ERBB4: variants seen among roughly 807,000 people sequenced by gnomAD.
The protein encoded by ERBB4 is receptor tyrosine-protein kinase erbB-4.
In ERBB4, 42 loss-of-function variants were observed where a neutral mutation model predicts 158.0. The ratio of observed to expected loss-of-function variants is 0.27; its 90% CI spans 0.21 to 0.34. ERBB4 has a LOEUF of 0.34. ERBB4 is among the 10% of genes least tolerant of loss of function. ERBB4 has a pLI of 1.00. For missense variants in ERBB4, 1,333 were observed against 1,624.1 expected, an observed-to-expected ratio of 0.82 and a Z score of 3.08; for synonymous variants, 583 against 558.7, an observed-to-expected ratio of 1.04 and a Z score of -0.61.
chr2:212,020,363 G>A (rs1389583078), intron 2 of ERBB4, among the ~76,000 whole-genome samples: 1 of 151,906 alleles, frequency 6.6e-6, no homozygotes, highest in Non-Finnish European at 1.5e-5. Flanking sequence ...TGATTTTTGG[G>A]GATTATCAGC....
rs112517958 is a variant in ERBB4, at chr2:212,278,294, A to G, written c.83-153391T>C. Among the ~76,000 whole-genome samples the G allele has an allele frequency of 5.1e-3, 779 of 151,912 alleles. 4 individuals carry two copies. The highest frequency in any genetic ancestry group is 0.017 in the Middle Eastern group (5 of 294). ...ACTTCTGTTCATGGGCCAACTCATC[A>G]GCACAAGGGTCCTTTATTTTATTTT... is the stretch of plus-strand genomic sequence containing the variant. On this transcript the variant is annotated intron_variant, in intron 1 of 27. Transcript: ENST00000342788.
At chr2:212,042,256 A>G (rs1028450298) in intron 2 of ERBB4, among the ~76,000 whole-genome samples, 3 of 152,142 alleles carry the variant, frequency 2.0e-5, no homozygotes, top group Admixed American at 1.3e-4. Flanking sequence ...ATGTAACACA[A>G]TAAGACCTTG....
rs73083834 is a variant in ERBB4 at position 211,377,779 on chromosome 2, T to C, written c.*5836A>G. On this transcript the variant is annotated 3_prime_UTR_variant, in exon 28 of 28. Transcript: ENST00000342788. ...TTATGTAAAGATTAAATCGAAGTTC[T>C]ACCAAGTGTATGTGGACATATGTGA... The C allele has an allele frequency of 0.02, 4,693 of 232,574 alleles. 208 individuals are homozygous for C. Among genetic ancestry groups the C allele is most frequent in the African/African-American group, 0.097 (4,393 of 45,398 alleles). The allele number at this position is 232,574 out of a possible 1,614,324, so 14.4% of individuals were successfully genotyped here.
At chr2:211,833,334 T>C (rs1415421747) in intron 3 of ERBB4, among the ~76,000 whole-genome samples, 2 of 152,128 alleles carry the variant, frequency 1.3e-5, no homozygotes, top group African/African-American at 4.8e-5. Context: ...TCTCTCCATT[T>C]TTCTGCTCTG....
rs140772306 is a variant in ERBB4 at position 212,242,835 on chromosome 2, C to G, written c.83-117932G>C. 5.3e-5 allele frequency among the ~76,000 whole-genome samples: 8 copies of G among 152,256 alleles called. No homozygotes were observed. In the East Asian group the frequency reaches 1.5e-3, roughly 29 times the overall value. On this transcript the variant is annotated intron_variant, in intron 1 of 27. Coordinates refer to ENST00000342788, the MANE Select transcript of ERBB4 (RefSeq NM_005235.3). ...CTTGTTACTCCAAGACAAATCTCAC[C>G]TAAGAGGATATGGCAGCCTTCCACA... is the stretch of plus-strand genomic sequence containing the variant.
chr2:212,420,012 A>G (rs2091758061), intron 1 of ERBB4, among the ~76,000 whole-genome samples: 1 of 152,036 alleles, frequency 6.6e-6, no homozygotes, highest in African/African-American at 2.4e-5. Context: ...AAACTATGTT[A>G]CTGCATACAT....
intron 2 of ERBB4, among the ~76,000 whole-genome samples, chr2:212,119,561 C>A (rs2079680614): frequency 6.6e-6 from 1 of 152,144 alleles, no homozygotes; most frequent in African/African-American, 2.4e-5. Context: ...AGCACAAAAT[C>A]TGTGATTTTT....
At chr2:211,947,660 T>C (rs763764164) in intron 2 of ERBB4, 44 bp from the exon 3 acceptor site, 2 of 1,534,300 alleles carry the variant, frequency 1.3e-6, no homozygotes, top group Non-Finnish European at 1.8e-6. Context: ...AACGAATTTG[T>C]CACTCTGTAT....
intron 1 of ERBB4, among the ~76,000 whole-genome samples, chr2:212,167,064 A>T (rs1217367857): frequency 1.3e-5 from 2 of 152,172 alleles, no homozygotes; most frequent in Non-Finnish European, 2.9e-5. Flanking sequence ...ACCAAAAGCA[A>T]TTGAAACAGA....
At chr2:211,822,937 T>C (rs1249558029) in intron 3 of ERBB4, among the ~76,000 whole-genome samples, 27 of 151,956 alleles carry the variant, frequency 1.8e-4, no homozygotes, top group Admixed American at 1.4e-3. Context: ...TAGAGCTTAA[T>C]AGGCATCGTG....
At chr2:211,551,577 A>T (rs536026583) in intron 20 of ERBB4, among the ~76,000 whole-genome samples, 138 of 152,330 alleles carry the variant, frequency 9.1e-4, no homozygotes, top group Middle Eastern at 3.4e-3. Flanking sequence ...CTATTACATG[A>T]CTGAATATAT....
intron 19 of ERBB4, among the ~76,000 whole-genome samples, chr2:211,610,627 AC>A (rs1482275786): frequency 1.3e-5 from 2 of 152,138 alleles, no homozygotes; most frequent in African/African-American, 4.8e-5. Context: ...AAGAAATTGC[AC>A]ATGATTAGTT....
At chr2:211,866,905 C>G (rs2078219871) in intron 3 of ERBB4, among the ~76,000 whole-genome samples, 1 of 151,446 alleles carries the variant, frequency 6.6e-6, no homozygotes, top group South Asian at 2.1e-4. Flanking sequence ...AGGGGGACCT[C>G]CTCTTTCAGC....
At chr2:211,549,692 C>G (rs1238676060) in intron 20 of ERBB4, among the ~76,000 whole-genome samples, 1 of 152,106 alleles carries the variant, frequency 6.6e-6, no homozygotes, top group East Asian at 1.9e-4. Context: ...CAGCAGATTT[C>G]AGATTCCTGA....
At chr2:212,262,412 C>T (rs1171603215) in intron 1 of ERBB4, among the ~76,000 whole-genome samples, 1 of 152,080 alleles carries the variant, frequency 6.6e-6, no homozygotes, top group Non-Finnish European at 1.5e-5. Context: ...ATATGAGTGG[C>T]ATTCTCCTGT....
chr2:212,444,743 G>T (rs2092317466), intron 1 of ERBB4, among the ~76,000 whole-genome samples: 1 of 152,084 alleles, frequency 6.6e-6, no homozygotes, highest in Non-Finnish European at 1.5e-5. Context: ...GGCTGACCTG[G>T]CTACAGCCAC....
intron 1 of ERBB4, among the ~76,000 whole-genome samples, chr2:212,172,134 T>A (rs6710322): frequency 6.6e-6 from 1 of 151,836 alleles, no homozygotes; most frequent in Non-Finnish European, 1.5e-5. Context: ...TCAAAAAAGA[T>A]ATACATGCAG....
At chr2:212,496,017 C>G (rs1282458995) in intron 1 of ERBB4, among the ~76,000 whole-genome samples, 1 of 151,944 alleles carries the variant, frequency 6.6e-6, no homozygotes, top group Non-Finnish European at 1.5e-5. Flanking sequence ...GAATTTTTAT[C>G]AAATTTTCAA....
chr2:212,408,730 C>A (rs1316441295), intron 1 of ERBB4, among the ~76,000 whole-genome samples: 1 of 152,124 alleles, frequency 6.6e-6, no homozygotes, highest in Non-Finnish European at 1.5e-5. Context: ...TAATGATGGG[C>A]TGAGTCATGA....
Sources: allele counts gnomAD v4.1 joint callset (sites outside exome capture counted in the v4.1 genomes callset), GRCh38; gene constraint gnomAD v4.1.1; transcripts MANE v1.5; gene names NCBI Gene and HGNC (gene_info 2026-07-23, HGNC 2026-07-21).